ABCC8: variants seen among roughly 807,000 people sequenced by gnomAD.
ABCC8 encodes ATP binding cassette subfamily C member 8, also known as ATP-binding cassette sub-family C member 8.
A neutral mutation model predicts 188.0 loss-of-function variants in ABCC8; 137 were observed. That is an observed-to-expected ratio of 0.73 (90% CI 0.63 to 0.84). ABCC8 has a LOEUF of 0.84. ABCC8 is among the 40% of genes least tolerant of loss of function. The pLI is 0.00. For missense variants in ABCC8, 1,750 were observed against 2,072.7 expected, an observed-to-expected ratio of 0.84 and a Z score of 3.02; for synonymous variants, 797 against 846.5, an observed-to-expected ratio of 0.94 and a Z score of 1.01.
At chr11:17,416,610 T>G (rs558405010) in intron 17 of ABCC8, among the ~76,000 whole-genome samples, 2 of 152,230 alleles carry the variant, frequency 1.3e-5, no homozygotes, top group East Asian at 3.9e-4. Context: ...GTCCCTTCCC[T>G]CTCTCTCCCA....
intron 16 of ABCC8, among the ~76,000 whole-genome samples, chr11:17,423,311 C>T (rs376517212): frequency 7.5e-4 from 108 of 143,680 alleles, no homozygotes; most frequent in African/African-American, 2.3e-3. Flanking sequence ...GAGCTGAGAT[C>T]GCACCACTGC....
At chr11:17,395,538 T>G (rs937204593) in intron 35 of ABCC8, 72 bp downstream of exon 35, 58 of 1,527,112 alleles carry the variant, frequency 3.8e-5, no homozygotes, top group Non-Finnish European at 5.0e-5. Flanking sequence ...AACCCCCTCC[T>G]CTTTGTGCTC....
intron 6 of ABCC8, among the ~76,000 whole-genome samples, chr11:17,459,549 T>C (rs1272045019): frequency 6.6e-6 from 1 of 152,208 alleles, no homozygotes; most frequent in Admixed American, 6.5e-5. Flanking sequence ...TGAACAAATG[T>C]TACGCAAAGG....
At chr11:17,458,163 T>C (rs1255695238) in intron 6 of ABCC8, among the ~76,000 whole-genome samples, 1 of 152,180 alleles carries the variant, frequency 6.6e-6, no homozygotes, top group Non-Finnish European at 1.5e-5. Flanking sequence ...TTTCAACTCT[T>C]GTTTCTGTGT....
At chr11:17,455,314 T>G (rs1956952873) in intron 6 of ABCC8, among the ~76,000 whole-genome samples, 1 of 152,120 alleles carries the variant, frequency 6.6e-6, no homozygotes, top group African/African-American at 2.4e-5. Context: ...ACACACAGGC[T>G]GGAGAATGAG....
chr11:17,416,878 C>A, intron 17 of ABCC8, 52 bp downstream of exon 17: 1 of 1,602,704 alleles, frequency 6.2e-7, no homozygotes, highest in Non-Finnish European at 8.5e-7. Flanking sequence ...CACCCCCACC[C>A]TACCCCTTCC....
At chr11:17,454,078 T>C (rs776060065) in intron 6 of ABCC8, among the ~76,000 whole-genome samples, 1 of 152,174 alleles carries the variant, frequency 6.6e-6, no homozygotes, top group Non-Finnish European at 1.5e-5. Context: ...TGAAGACAGA[T>C]CTCTGCTCTT....
Position 17,427,776 on chromosome 11 carries a change from G to A in ABCC8, c.2116+91C>T. ...TACACCAAGAATGAGCAGAGAGTAG[G>A]TGCTCAATAAATGCAGCTTTGTCTT... On this transcript the variant is annotated intron_variant, in intron 15 of 38. Transcript: ENST00000389817. This position sits in a 1 kb window ranked among gnomAD's most constrained non-coding sequence, Gnocchi z 5.0. 1 of 1,488,026 alleles carries A rather than the reference G, an allele frequency of 6.7e-7. No homozygotes were observed. Among genetic ancestry groups the A allele is most frequent in the South Asian group, 1.2e-5 (1 of 81,254 alleles). The allele number at this position is 1,488,026 out of a possible 1,614,324, so 92.2% of individuals were successfully genotyped here.
intron 4 of ABCC8, among the ~76,000 whole-genome samples, chr11:17,462,729 A>T (rs759893780): frequency 6.6e-5 from 10 of 152,258 alleles, no homozygotes; most frequent in Non-Finnish European, 1.3e-4. Flanking sequence ...AAACGGAATT[A>T]GCCATATCAG....
At chr11:17,464,611 G>A (rs1848033782) in intron 3 of ABCC8, among the ~76,000 whole-genome samples, 1 of 152,202 alleles carries the variant, frequency 6.6e-6, no homozygotes, top group Non-Finnish European at 1.5e-5. Context: ...GACATTAGCT[G>A]TTATATTTTT....
At chr11:17,415,143 G>C (rs545962596) in intron 18 of ABCC8, among the ~76,000 whole-genome samples, 161 bp downstream of exon 18, 9 of 152,228 alleles carry the variant, frequency 5.9e-5, no homozygotes, top group African/African-American at 2.2e-4. Context: ...AACAGCAGCA[G>C]CTCCCGAGCC....
chr11:17,462,346 A>T (rs569559109), intron 4 of ABCC8, among the ~76,000 whole-genome samples: 121 of 152,284 alleles, frequency 7.9e-4, no homozygotes, highest in Non-Finnish European at 1.5e-3. Context: ...TGCCCTGCAG[A>T]TCACCAACTA....
chr11:17,440,206 C>T (rs1956260961), intron 10 of ABCC8, among the ~76,000 whole-genome samples: 1 of 152,240 alleles, frequency 6.6e-6, no homozygotes, highest in South Asian at 2.1e-4. Context: ...AACGACAAGC[C>T]TGCTCTACCC....
Position 17,460,023 on chromosome 11 carries a change from G to A in ABCC8, c.1011+465C>T, listed in dbSNP as rs79112425. The stretch of plus-strand genomic sequence containing the variant: ...GGAGAGACAAAGCTCCACTCGTGAG[G>A]GTTTCCCACTTCTCTCTCCTCTGAC... On this transcript the variant is annotated intron_variant, in intron 6 of 38. Coordinates refer to ENST00000389817, the MANE Select transcript of ABCC8 (RefSeq NM_000352.6). 1.2e-4 allele frequency among the ~76,000 whole-genome samples: 18 copies of A among 152,192 alleles called. No homozygotes were observed. The East Asian group carries it at 3.5e-3, about 29-fold the overall frequency.
At chr11:17,473,978 G>A (rs979807093) in intron 2 of ABCC8, among the ~76,000 whole-genome samples, 2 of 152,110 alleles carry the variant, frequency 1.3e-5, no homozygotes, top group South Asian at 2.1e-4. Flanking sequence ...CAGCCCCTGC[G>A]CTGCTCCCTA....
chr11:17,395,116 C>G (rs1953839369), intron 36 of ABCC8, 56 bp downstream of exon 36: 8 of 1,549,180 alleles, frequency 5.2e-6, no homozygotes, highest in African/African-American at 1.4e-5. Context: ...TGTCTGCCAT[C>G]CTTACAGGGT....
chr11:17,448,479 T>C (rs2301705), intron 8 of ABCC8, 37 bp downstream of exon 8: 1 of 1,591,912 alleles, frequency 6.3e-7, no homozygotes, highest in Non-Finnish European at 8.6e-7. Context: ...TTGTGTGTCC[T>C]GCTGCCCCCC....
At chr11:17,460,411 A>G in intron 6 of ABCC8, 77 bp downstream of exon 6, 1 of 1,606,284 alleles carries the variant, frequency 6.2e-7, no homozygotes, top group Non-Finnish European at 8.5e-7. Context: ...TGGCTCACAC[A>G]CATTGGCCTG....
At chr11:17,476,495 G>A in intron 1 of ABCC8, 134 bp downstream of exon 1, 2 of 1,121,730 alleles carry the variant, frequency 1.8e-6, no homozygotes, top group East Asian at 2.7e-5. Flanking sequence ...CAGGACACAG[G>A]GCAGGGGACC....
Sources: gnomAD v4.1 joint callset for allele counts (sites outside exome capture counted in the v4.1 genomes callset) on GRCh38, gnomAD v4.1.1 for gene constraint, Gnocchi (gnomAD v3.1) non-coding constraint, MANE v1.5 for transcripts, NCBI Gene and HGNC (gene_info 2026-07-23, HGNC 2026-07-21) for gene names.